Variants in CCDC171 observed in about 807,000 individuals in gnomAD.
The protein encoded by CCDC171 is coiled-coil domain containing 171, also known as coiled-coil domain-containing protein 171.
Under a neutral mutation model 168.2 loss-of-function variants are expected in CCDC171, and 177 were observed. The observed-to-expected ratio is 1.05, with a 90% CI of 0.93 to 1.19. The LOEUF (loss-of-function observed/expected upper bound fraction) is 1.19. CCDC171 is among the 50% of genes most tolerant of loss of function. The pLI is 0.00. For synonymous variants in CCDC171, 687 were observed against 540.8 expected (o/e 1.27, Z -3.75); for missense variants, 1,991 against 1,539.0 (o/e 1.29, Z -4.91).
chr9:15,657,171 A>G lies in CCDC171; in HGVS notation c.867A>G (p.Ala289=), dbSNP rs571764020. The part of the protein sequence containing the change: ...RVRKLEENIE[A]ERAAHLESKF... ...GGAAATTAGAAGAAAACATTGAAGCAGAAAGAGCAGCGCATTTGGAATCAA... is the reference window on the plus strand; with the variant it reads ...GGAAATTAGAAGAAAACATTGAAGCGGAAAGAGCAGCGCATTTGGAATCAA... The change falls in exon 8 of 26, where the codon GCA becomes GCG. Residue 289 remains alanine, a synonymous_variant. Coordinates refer to ENST00000380701, the MANE Select transcript of CCDC171 (RefSeq NM_173550.4). 1.4e-5 allele frequency: 22 copies of G among 1,611,876 alleles called. No homozygotes were observed. In the East Asian group the frequency reaches 3.1e-4, roughly 23 times the overall value.
chr9:16,020,279 C>G (rs1367675529), intron 3 of CCDC171, among the ~76,000 whole-genome samples: 1 of 152,152 alleles, frequency 6.6e-6, no homozygotes, highest in Non-Finnish European at 1.5e-5. Context: ...CATGTTTATA[C>G]TTGGGTCCTA....
At chr9:15,989,073 G>A (rs1319305829) in intron 3 of CCDC171, among the ~76,000 whole-genome samples, 2 of 152,202 alleles carry the variant, frequency 1.3e-5, no homozygotes, top group Non-Finnish European at 2.9e-5. Flanking sequence ...CAGTTTTGAA[G>A]AGAGTAGTGG....
At position 15,818,396 on chromosome 9, in the gene CCDC171, C is replaced by T. The variant is rs186536118; in HGVS notation, c.3268-28306C>T. The stretch of plus-strand genomic sequence containing the variant: ...AAGGCTTCAGAAGATAAAACTACTC[C>T]GAGCTAAAGGAGGAAGTTCGAACGA... On this transcript the variant is annotated intron_variant, in intron 21 of 25. Transcript: ENST00000380701. Among the ~76,000 whole-genome samples, 333 of 116,614 alleles carry T rather than the reference C, an allele frequency of 2.9e-3. 93 individuals carry two copies. The highest frequency in any genetic ancestry group is 0.01 in the African/African-American group (311 of 31,004). 76.5% of individuals were successfully genotyped at this position (116,614 alleles called of 152,430 possible).
chr9:15,979,062 T>C (rs1182155736), intron 3 of CCDC171, among the ~76,000 whole-genome samples: 1 of 152,224 alleles, frequency 6.6e-6, no homozygotes, highest in African/African-American at 2.4e-5. Context: ...GTACCGTGTA[T>C]CTACTTCATT....
At chr9:15,950,145 C>G (rs924582823) in intron 25 of CCDC171, among the ~76,000 whole-genome samples, 2 of 152,122 alleles carry the variant, frequency 1.3e-5, no homozygotes, top group African/African-American at 2.4e-5. Flanking sequence ...AAATCTACGT[C>G]TGATTGGTGT....
At chr9:15,660,671 C>T (rs1028584304) in intron 8 of CCDC171, among the ~76,000 whole-genome samples, 7 of 152,112 alleles carry the variant, frequency 4.6e-5, no homozygotes, top group South Asian at 2.1e-4. Context: ...TTTATGGCTG[C>T]GTAGTAATCC....
At chr9:16,103,228 G>T in the CCDC171 span, among the ~76,000 whole-genome samples, 1 of 152,202 alleles carries the variant, frequency 6.6e-6, no homozygotes, top group Non-Finnish European at 1.5e-5. Flanking sequence ...AGGGGGATTT[G>T]CATGCTGGCA....
At chr9:15,697,027 C>G (rs890560838) in intron 11 of CCDC171, among the ~76,000 whole-genome samples, 3 of 152,188 alleles carry the variant, frequency 2.0e-5, no homozygotes, top group African/African-American at 7.2e-5. Context: ...CTCCTCTGTT[C>G]TGTTTTGCTG....
chr9:15,818,635 GT>G (rs201308375), intron 21 of CCDC171, among the ~76,000 whole-genome samples: 3,272 of 117,004 alleles, frequency 0.028, 975 homozygotes, highest in African/African-American at 0.1. Context: ...AAGAAGAGAA[GT>G]TTAGAGAAAA....
chr9:16,020,314 A>T (rs1390121736), intron 3 of CCDC171, among the ~76,000 whole-genome samples: 1 of 152,234 alleles, frequency 6.6e-6, no homozygotes, highest in Non-Finnish European at 1.5e-5. Context: ...CATTATATAT[A>T]TGCAAATATT....
At chr9:15,682,268 T>TA (rs1275927260) in intron 10 of CCDC171, among the ~76,000 whole-genome samples, 1 of 152,024 alleles carries the variant, frequency 6.6e-6, no homozygotes, top group African/African-American at 2.4e-5. Context: ...GCAGAGCTGT[T>TA]AGAGGCTTTA....
At chr9:16,075,403 T>G in the CCDC171 span, among the ~76,000 whole-genome samples, 1 of 152,228 alleles carries the variant, frequency 6.6e-6, no homozygotes, top group South Asian at 2.1e-4. Context: ...TGAATATATA[T>G]ATTATGCTTA....
At position 15,745,640 on chromosome 9, in the gene CCDC171, CCTT is replaced by C. The variant is rs575460710; in HGVS notation, c.2671+13_2671+15del. 312 of 1,504,658 alleles carry C rather than the reference CCTT, an allele frequency of 2.1e-4. 2 individuals are homozygous for C. The African/African-American group carries it at 3.5e-3, about 17-fold the overall frequency. 93.2% of individuals were successfully genotyped at this position (1,504,658 alleles called of 1,614,324 possible). A position where few individuals can be genotyped will look rare whatever the true frequency, so the allele number is the denominator to read the frequency against. ...CGTCATTGGTAAAGCAGGTATGGTT[CCTT>C]CTTTTATGTCCTTGCAAAATACATT... On this transcript the variant is annotated intron_variant, in intron 18 of 25. Coordinates refer to ENST00000380701, the MANE Select transcript of CCDC171 (RefSeq NM_173550.4).
intron 6 of CCDC171, among the ~76,000 whole-genome samples, chr9:16,030,815 G>A (rs909817432): frequency 2.4e-4 from 36 of 152,188 alleles, no homozygotes; most frequent in Non-Finnish European, 8.8e-5. Context: ...CCATGTGATC[G>A]CTTCCCAAGG....
intron 4 of CCDC171, among the ~76,000 whole-genome samples, chr9:15,589,564 G>C (rs1784817204): frequency 1.3e-5 from 2 of 152,170 alleles, no homozygotes; most frequent in South Asian, 4.1e-4. Flanking sequence ...GACTTCATTG[G>C]GTTTATAGTG....
intron 6 of CCDC171, among the ~76,000 whole-genome samples, chr9:15,619,872 G>T (rs1188645622): frequency 6.6e-6 from 1 of 152,088 alleles, no homozygotes; most frequent in Non-Finnish European, 1.5e-5. Context: ...TGAAGCCATT[G>T]CTCATTTACC....
At position 15,569,850 on chromosome 9, in the gene CCDC171, A is replaced by C. The variant is rs540615054; in HGVS notation, c.42-1774A>C. 3.1e-3 allele frequency among the ~76,000 whole-genome samples: 446 copies of C among 145,980 alleles called. 2 individuals are homozygous for C. The highest frequency in any genetic ancestry group is 9.1e-3 in the African/African-American group (360 of 39,646). On this transcript the variant is annotated intron_variant, in intron 2 of 25. Transcript: ENST00000380701. ...AAAAAACAAAAAACAAACAAACAAA[A>C]AAAAAATTTCTATTTTTCATCTCCA...
At chr9:15,633,374 A>C (rs1486224629) in intron 7 of CCDC171, among the ~76,000 whole-genome samples, 1 of 152,212 alleles carries the variant, frequency 6.6e-6, no homozygotes, top group Non-Finnish European at 1.5e-5. Flanking sequence ...ACATGAACAG[A>C]CACTTCTGAA....
chr9:15,871,069 A>G (rs1191463029), intron 23 of CCDC171, among the ~76,000 whole-genome samples: 1 of 151,554 alleles, frequency 6.6e-6, no homozygotes, highest in Non-Finnish European at 1.5e-5. Context: ...GAAAGCATGT[A>G]ATAAGAAAGG....
Sources: allele counts gnomAD v4.1 joint callset (sites outside exome capture counted in the v4.1 genomes callset), GRCh38; gene constraint gnomAD v4.1.1; transcripts MANE v1.5; gene names NCBI Gene and HGNC (gene_info 2026-07-23, HGNC 2026-07-21).